Variants in OR4D9 observed in about 807,000 individuals in gnomAD.
The protein encoded by OR4D9 is olfactory receptor 4D9.
In OR4D9, 2 loss-of-function variants were observed where a neutral mutation model predicts 0.8. That is an observed-to-expected ratio of 2.58 (90% CI 1.06 to 8.13). OR4D9 has a LOEUF of 8.13. Among genes scored for constraint, OR4D9 ranks in the 30% most tolerant of loss-of-function variants. The probability of loss-of-function intolerance (pLI) is 0.04; values close to 1 mark genes in which losing one functional copy is unlikely to be tolerated. For missense variants in OR4D9, 399 were observed against 384.7 expected (o/e 1.04, Z -0.31); for synonymous variants, 146 against 151.2 (o/e 0.97, Z 0.25).
Position 59,516,186 on chromosome 11 carries a change from A to T in OR4D9, c.*329A>T, listed in dbSNP as rs1015578456. Reference sequence around the variant, plus strand: ...GGAGGCATAACCCAAAATACTTATTAAAAAATATAAACAGGCCAGGCGTGG... The same window carrying T: ...GGAGGCATAACCCAAAATACTTATTTAAAAATATAAACAGGCCAGGCGTGG... On this transcript the variant is annotated 3_prime_UTR_variant, in exon 3 of 3. Transcript: ENST00000641962. The T allele has an allele frequency of 2.5e-5, 5 of 200,152 alleles. No individual in the cohort carries two copies. The highest frequency in any genetic ancestry group is 1.2e-4 in the African/African-American group (5 of 42,624). 12.4% of individuals were successfully genotyped at this position (200,152 alleles called of 1,614,324 possible).
rs184711644 is a variant in OR4D9, at chr11:59,519,539, C to T, written c.*3682C>T. ...AAGGGCAGGGTTCCATGAGATAGAA[C>T]ATTAGGGTAGAGTGCCCCAAGAAGA... On this transcript the variant is annotated 3_prime_UTR_variant, in exon 3 of 3. Coordinates refer to ENST00000641962, the MANE Select transcript of OR4D9 (RefSeq NM_001004711.2). 24 of 152,152 alleles carry T rather than the reference C, an allele frequency of 1.6e-4. 1 individual carries two copies. The highest frequency in any genetic ancestry group is 1.5e-3 in the Admixed American group (23 of 15,278). 9.4% of individuals were successfully genotyped at this position (152,152 alleles called of 1,614,324 possible).
At position 59,516,054 on chromosome 11, in the gene OR4D9, C is replaced by T. The variant is rs1232816398; in HGVS notation, c.*197C>T. On this transcript the variant is annotated 3_prime_UTR_variant, in exon 3 of 3. Coordinates refer to ENST00000641962, the MANE Select transcript of OR4D9 (RefSeq NM_001004711.2). Reference sequence around the variant, plus strand: ...CAAAATCCACTCAAGTCTTTCCCTACTCACTTTCAATTATTCATTCCACAA... The same window carrying T: ...CAAAATCCACTCAAGTCTTTCCCTATTCACTTTCAATTATTCATTCCACAA... 21 of 540,506 alleles carry T rather than the reference C, an allele frequency of 3.9e-5. No individual in the cohort carries two copies. Among genetic ancestry groups the T allele is most frequent in the Non-Finnish European group, 6.5e-6 (2 of 308,084 alleles). 33.5% of individuals were successfully genotyped at this position (540,506 alleles called of 1,614,324 possible). A position where few individuals can be genotyped will look rare whatever the true frequency, so the allele number is the denominator to read the frequency against.
At position 59,515,231 on chromosome 11, in the gene OR4D9, C is replaced by A; in HGVS notation, c.319C>A (p.Leu107Met). ...CACTCAAATGTTCTTCTTCCACCTT[C>A]TGGGGGGAGCAGACGTTTTTTCTCT... The part of the protein sequence containing the change: ...CVTQMFFFHL[L>M]GGADVFSLSV... The change falls in exon 3 of 3, where the codon CTG becomes ATG. Residue 107 changes from leucine (L) to methionine (M), a missense_variant. Physicochemically the swap from Leu to Met is conservative, Grantham distance 15. Coordinates refer to ENST00000641962, the MANE Select transcript of OR4D9 (RefSeq NM_001004711.2). 1.2e-6 allele frequency: 2 copies of A among 1,613,868 alleles called. No homozygotes were observed. The highest frequency in any genetic ancestry group is 1.7e-6 in the Non-Finnish European group (2 of 1,179,970).
At position 59,515,640 on chromosome 11, in the gene OR4D9, A is replaced by C. The variant is rs1473858411; in HGVS notation, c.728A>C (p.His243Pro). The change falls in exon 3 of 3, where the codon CAC (histidine) becomes CCC (proline). Residue 243 changes from histidine (H) to proline (P), a missense_variant. By Grantham distance (77) the His-to-Pro change is moderately conservative. Transcript: ENST00000641962. ...AAAGCCATCTCCACCTGCACCTCCC[A>C]CATCACCGTGGTGACCCTGCATTTC... is the stretch of plus-strand genomic sequence containing the variant. ...RRKAISTCTS[H>P]ITVVTLHFVP... 4 of 1,614,170 alleles carry C rather than the reference A, an allele frequency of 2.5e-6. No individual in the cohort carries two copies. In the African/African-American group the frequency reaches 5.3e-5, roughly 22 times the overall value.
intron 1 of OR4D9, among the ~76,000 whole-genome samples, chr11:59,514,124 T>C (rs1386200672): frequency 6.6e-6 from 1 of 152,254 alleles, no homozygotes; most frequent in Non-Finnish European, 1.5e-5. Flanking sequence ...TATATCATCA[T>C]ACATGTAGAT....
chr11:59,511,800 A>T (rs758001570), intron 1 of OR4D9, 54 bp downstream of exon 1: 1 of 152,188 alleles, frequency 6.6e-6, no homozygotes, highest in African/African-American at 2.4e-5. Context: ...ATATAGGAAG[A>T]TGGTCAGTTG....
intron 1 of OR4D9, among the ~76,000 whole-genome samples, chr11:59,512,773 A>G (rs973808700): frequency 8.6e-5 from 13 of 151,980 alleles, no homozygotes; most frequent in African/African-American, 3.1e-4. Context: ...CGGAGGTTGC[A>G]GTGAGCCACG....
chr11:59,514,788 C>T, intron 2 of OR4D9, 22 bp downstream of exon 2: 3 of 660,748 alleles, frequency 4.5e-6, no homozygotes, highest in Non-Finnish European at 5.2e-6. Context: ...GGGAAAAGAG[C>T]TTCCTCCTAA....
chr11:59,514,831 C>G (rs1385003233), intron 2 of OR4D9, 52 bp from the exon 3 acceptor site: 1 of 933,376 alleles, frequency 1.1e-6, no homozygotes, highest in African/African-American at 1.7e-5. Context: ...AAAGACAACA[C>G]TAGATTTTAG....
chr11:59,514,999 C>CTTCCTGTT lies in OR4D9; in HGVS notation c.90_97dup (p.Leu33SerfsTer7), dbSNP rs1403827674. 1 of 1,613,846 alleles carries CTTCCTGTT rather than the reference C, an allele frequency of 6.2e-7. No individual in the cohort carries two copies. Among genetic ancestry groups the CTTCCTGTT allele is most frequent in the Non-Finnish European group, 8.5e-7 (1 of 1,179,926 alleles). On this transcript the variant is annotated frameshift_variant, in exon 3 of 3. Coordinates refer to ENST00000641962, the MANE Select transcript of OR4D9 (RefSeq NM_001004711.2). LOFTEE classifies it low-confidence loss of function (END_TRUNC). ...GAGAACTGAGCCAGGTCTTATTTACCTTCCTGTTTTTGGTGTACATGACAA... is the reference window on the plus strand; with the variant it reads ...GAGAACTGAGCCAGGTCTTATTTACCTTCCTGTTTTCCTGTTTTTGGTGTACATGACAA...
In OR4D9 at chr11:59,515,964, C is replaced by T. The variant is rs1859400173; in HGVS notation, c.*107C>T. 2.5e-6 allele frequency: 2 copies of T among 799,470 alleles called. No homozygotes were observed. The highest frequency in any genetic ancestry group is 2.9e-5 in the Admixed American group (1 of 34,480). 49.5% of individuals were successfully genotyped at this position (799,470 alleles called of 1,614,324 possible). A position where few individuals can be genotyped will look rare whatever the true frequency, so the allele number is the denominator to read the frequency against. ...ACAAAGAGATACCTATGGCCACCAT[C>T]GAGTCCTAAAAGAAGTTATTCCATC... is the stretch of plus-strand genomic sequence containing the variant. On this transcript the variant is annotated 3_prime_UTR_variant, in exon 3 of 3. Transcript: ENST00000641962.
chr11:59,511,888 A>G (rs190135678), intron 1 of OR4D9, 142 bp downstream of exon 1: 4 of 152,338 alleles, frequency 2.6e-5, no homozygotes, highest in African/African-American at 9.6e-5. Flanking sequence ...TGACGTCACC[A>G]GCTCTCAGGA....
At position 59,515,461 on chromosome 11, in the gene OR4D9, G is replaced by A. The variant is rs562656575; in HGVS notation, c.549G>A (p.Gln183=). 7 of 1,614,124 alleles carry A rather than the reference G, an allele frequency of 4.3e-6. No individual in the cohort carries two copies. The highest frequency in any genetic ancestry group is 1.7e-5 in the Admixed American group (1 of 60,016). Reference sequence around the variant, plus strand: ...ACACTTTCTACTGCGATGTCCCCCAGGTCCTCAAACTTGCCTGCACTGACA... The same window carrying A: ...ACACTTTCTACTGCGATGTCCCCCAAGTCCTCAAACTTGCCTGCACTGACA... The part of the protein sequence containing the change: ...VLDTFYCDVP[Q]VLKLACTDTF... Residue 183 remains glutamine (Q), a synonymous_variant, in exon 3 of 3, where the codon CAG becomes CAA. Coordinates refer to ENST00000641962, the MANE Select transcript of OR4D9 (RefSeq NM_001004711.2).
At chr11:59,513,776 A>T (rs2134584968) in intron 1 of OR4D9, among the ~76,000 whole-genome samples, 1 of 152,244 alleles carries the variant, frequency 6.6e-6, no homozygotes, top group South Asian at 2.1e-4. Context: ...CTATAAAAAA[A>T]TTAAAAATTA....
Position 59,520,037 on chromosome 11 carries a change from G to A in OR4D9, c.*4180G>A, listed in dbSNP as rs1859456713. 1.3e-5 allele frequency: 2 copies of A among 152,136 alleles called. No individual in the cohort carries two copies. The highest frequency in any genetic ancestry group is 1.3e-4 in the Admixed American group (2 of 15,268). 9.4% of individuals were successfully genotyped at this position (152,136 alleles called of 1,614,324 possible). ...CATGGACACAAAGATGGGAACAAAAGACACTGAGGCCTACTTGAGGGGAGG... is the reference window on the plus strand; with the variant it reads ...CATGGACACAAAGATGGGAACAAAAAACACTGAGGCCTACTTGAGGGGAGG... On this transcript the variant is annotated 3_prime_UTR_variant, in exon 3 of 3. Transcript: ENST00000641962.
Position 59,518,141 on chromosome 11 carries a change from T to A in OR4D9, c.*2284T>A, listed in dbSNP as rs1237188311. 6.6e-6 allele frequency: 1 copy of A among 152,190 alleles called. No homozygotes were observed. The highest frequency in any genetic ancestry group is 2.4e-5 in the African/African-American group (1 of 41,432). 9.4% of individuals were successfully genotyped at this position (152,190 alleles called of 1,614,324 possible). A position where few individuals can be genotyped will look rare whatever the true frequency, so the allele number is the denominator to read the frequency against. On this transcript the variant is annotated 3_prime_UTR_variant, in exon 3 of 3. Coordinates refer to ENST00000641962, the MANE Select transcript of OR4D9 (RefSeq NM_001004711.2). ...GACAGGGATAGTGCTAGGAGAAGAT[T>A]TATCTGACAATCCAGCTGATACTCT... is the stretch of plus-strand genomic sequence containing the variant.
In OR4D9 at chr11:59,515,368, C is replaced by G. The variant is rs142134023; in HGVS notation, c.456C>G (p.Gly152=). 3.1e-6 allele frequency: 5 copies of G among 1,613,994 alleles called. No homozygotes were observed. Among genetic ancestry groups the G allele is most frequent in the Admixed American group, 1.7e-5 (1 of 59,992 alleles). The change falls in exon 3 of 3, where the codon GGC becomes GGG. Residue 152 remains glycine, a synonymous_variant. Coordinates refer to ENST00000641962, the MANE Select transcript of OR4D9 (RefSeq NM_001004711.2). ...TCATCGTGGCTTCCTGGGTGGGGGG[C>G]TTTGTCCACTCCATAGCGCAGATTT... ...TGLIVASWVG[G]FVHSIAQISL...
chr11:59,512,642 G>A (rs1174799718), intron 1 of OR4D9, among the ~76,000 whole-genome samples: 2 of 147,078 alleles, frequency 1.4e-5, no homozygotes, highest in African/African-American at 5.1e-5. Flanking sequence ...TGAGCAACAT[G>A]GTGAAACTCA....
intron 1 of OR4D9, among the ~76,000 whole-genome samples, chr11:59,513,046 T>C (rs1191312546): frequency 6.6e-6 from 1 of 152,186 alleles, no homozygotes; most frequent in Non-Finnish European, 1.5e-5. Flanking sequence ...TATGCTAACA[T>C]ACAGAAAAAC....
Sources: gnomAD v4.1 joint callset for allele counts (sites outside exome capture counted in the v4.1 genomes callset) on GRCh38, gnomAD v4.1.1 for gene constraint, MANE v1.5 for transcripts, NCBI Gene and HGNC (gene_info 2026-07-23, HGNC 2026-07-21) for gene names.